The following DHX37 variants were observed in gnomAD, a reference collection of about 807,000 sequenced individuals.
DHX37 encodes the protein probable ATP-dependent RNA helicase DHX37.
In DHX37, 52 loss-of-function variants were observed where a neutral mutation model predicts 134.3. The observed-to-expected ratio is 0.39, with a 90% CI of 0.31 to 0.49. The LOEUF (loss-of-function observed/expected upper bound fraction) is 0.49, where lower values mean the gene tolerates loss of function less well. Ranked by LOEUF, DHX37 falls within the 20% of genes least tolerant of loss-of-function variation. The probability of loss-of-function intolerance (pLI) is 0.93; values close to 1 mark genes in which losing one functional copy is unlikely to be tolerated. For synonymous variants in DHX37, 634 were observed against 670.7 expected (o/e 0.95, Z 0.85); for missense variants, 1,344 against 1,580.8 (o/e 0.85, Z 2.54).
intron 4 of DHX37, among the ~76,000 whole-genome samples, chr12:124,978,506 C>T (rs910233716): frequency 5.5e-5 from 8 of 146,734 alleles, no homozygotes; most frequent in East Asian, 2.1e-4. Flanking sequence ...TCAGTAGAGA[C>T]GGGGTTTCAC....
intron 15 of DHX37, among the ~76,000 whole-genome samples, 195 bp downstream of exon 15, chr12:124,964,195 CAAAA>C (rs397692928): frequency 1.7e-4 from 10 of 57,464 alleles, no homozygotes; most frequent in East Asian, 9.4e-4. Flanking sequence ...AACTCCATCT[CAAAA>C]AAAAAAAAAA....
intron 2 of DHX37, among the ~76,000 whole-genome samples, chr12:124,983,171 C>T (rs981024044): frequency 7.9e-5 from 12 of 152,098 alleles, no homozygotes; most frequent in South Asian, 6.2e-4. Flanking sequence ...TGCAGTGGTG[C>T]GATCTTGGCT....
rs1954616128 is a variant in DHX37, at chr12:124,975,399, C to A, written c.980+20G>T. The A allele has an allele frequency of 1.2e-6, 2 of 1,611,542 alleles. No individual in the cohort carries two copies. Among genetic ancestry groups the A allele is most frequent in the East Asian group, 2.2e-5 (1 of 44,848 alleles). ...CACAGGACCACCCCATAGTCCGCCC[C>A]AGGGAAGTAGAGCCCTCACCGCTGG... is the stretch of plus-strand genomic sequence containing the variant. On this transcript the variant is annotated intron_variant, in intron 6 of 26. Coordinates refer to ENST00000308736, the MANE Select transcript of DHX37 (RefSeq NM_032656.4).
rs537963551 is a variant in DHX37, at chr12:124,975,318, A to G, written c.980+101T>C. 13 of 1,215,626 alleles carry G rather than the reference A, an allele frequency of 1.1e-5. No homozygotes were observed. In the East Asian group the frequency reaches 2.8e-4, roughly 26 times the overall value. 75.3% of individuals were successfully genotyped at this position (1,215,626 alleles called of 1,614,324 possible). On this transcript the variant is annotated intron_variant, in intron 6 of 26. Transcript: ENST00000308736. The stretch of plus-strand genomic sequence containing the variant: ...ATGCAGAGGTGACACTCCACCCAGC[A>G]CCCTCGGCACAGATGCTGCTCACCT...
Position 124,965,680 on chromosome 12 carries a change from C to G in DHX37, c.1723G>C (p.Gly575Arg). The G allele has an allele frequency of 6.2e-7, 1 of 1,608,216 alleles. No individual in the cohort carries two copies. The highest frequency in any genetic ancestry group is 1.1e-5 in the South Asian group (1 of 89,596). ...GCTCGGGCCACACCTCCATCTTGCC[C>G]GCCATCCCCCAGGTCCAGATCGAGG... ...SDLDLDLGDG[G>R]QDGGEQPDAS... The change falls in exon 13 of 27, where the codon GGG becomes CGG. Residue 575 changes from glycine (G) to arginine (R), a missense_variant. By Grantham distance (125) the Gly-to-Arg change is moderately radical (BLOSUM62 -2). Transcript: ENST00000308736.
chr12:124,961,209 TGCACGCACGCACAC>T (rs1287119413), intron 15 of DHX37, among the ~76,000 whole-genome samples: 3 of 76,964 alleles, frequency 3.9e-5, no homozygotes, highest in African/African-American at 1.3e-4. Flanking sequence ...CATACACGTG[TGCACGCACGCACAC>T]GCACGCACAC....
At position 124,961,030 on chromosome 12, in the gene DHX37, TAC is replaced by T. The variant is rs1484362691; in HGVS notation, c.2046-609_2046-608del. Among the ~76,000 whole-genome samples the T allele has an allele frequency of 3.9e-5, 6 of 152,352 alleles. 1 individual carries two copies. The highest frequency in any genetic ancestry group is 1.3e-4 in the Admixed American group (2 of 15,308). On this transcript the variant is annotated intron_variant, in intron 15 of 26. Transcript: ENST00000308736. The stretch of plus-strand genomic sequence containing the variant: ...GGTGCATAGCACTCTACACTTTAAC[TAC>T]AGTTACTTCTTACTGGTTTTCTTTG...
intron 13 of DHX37, 79 bp downstream of exon 13, chr12:124,965,589 G>C: frequency 6.9e-7 from 1 of 1,458,702 alleles, no homozygotes; most frequent in Non-Finnish European, 9.1e-7. Flanking sequence ...CCCGGCCCCC[G>C]GGGGGCCCAC....
intron 6 of DHX37, among the ~76,000 whole-genome samples, chr12:124,974,632 C>A (rs113848942): frequency 6.6e-6 from 1 of 151,254 alleles, no homozygotes; most frequent in East Asian, 1.9e-4. Context: ...CTCTTTTGTG[C>A]CTTCTGGATT....
intron 2 of DHX37, among the ~76,000 whole-genome samples, chr12:124,984,474 G>A (rs1357264111): frequency 5.9e-5 from 9 of 151,772 alleles, no homozygotes; most frequent in African/African-American, 2.2e-4. Flanking sequence ...TGGAGGTTGC[G>A]GTGCGCCGAG....
intron 10 of DHX37, 74 bp downstream of exon 10, chr12:124,968,460 C>A: frequency 1.3e-6 from 2 of 1,581,750 alleles, no homozygotes; most frequent in Non-Finnish European, 8.6e-7. Flanking sequence ...CGGAGATGGG[C>A]CCTCCCACAC....
rs185168606 is a variant in DHX37, at chr12:124,950,906, A to T, written c.2869-102T>A. ...GAATCTGATTATCCACTCCAGCCGC[A>T]AAAGTGGGAGAGTGCTCCATCTGCC... On this transcript the variant is annotated intron_variant, in intron 21 of 26. Coordinates refer to ENST00000308736, the MANE Select transcript of DHX37 (RefSeq NM_032656.4). The T allele has an allele frequency of 1.8e-5, 26 of 1,418,424 alleles. No individual in the cohort carries two copies. In the African/African-American group the frequency reaches 3.9e-4, roughly 21 times the overall value. The allele number at this position is 1,418,424 out of a possible 1,614,324, so 87.9% of individuals were successfully genotyped here.
chr12:124,947,694 A>T lies in DHX37; in HGVS notation c.*108T>A. The stretch of plus-strand genomic sequence containing the variant: ...TTCCCAGGGCTTGACCCACTTCCTG[A>T]GAGCAGGCCACGAAGCCCATGCCAG... On this transcript the variant is annotated 3_prime_UTR_variant, in exon 27 of 27. Transcript: ENST00000308736. 1 of 1,384,168 alleles carries T rather than the reference A, an allele frequency of 7.2e-7. No individual in the cohort carries two copies. Among genetic ancestry groups the T allele is most frequent in the Non-Finnish European group, 9.6e-7 (1 of 1,039,450 alleles). The allele number at this position is 1,384,168 out of a possible 1,614,324, so 85.7% of individuals were successfully genotyped here. A position where few individuals can be genotyped will look rare whatever the true frequency, so the allele number is the denominator to read the frequency against.
chr12:124,952,782 G>A, intron 20 of DHX37: 1 of 406,360 alleles, frequency 2.5e-6, no homozygotes, highest in Non-Finnish European at 4.3e-6. Flanking sequence ...TTGGGACAAA[G>A]CCCCACATCC....
chr12:124,964,335 C>A (rs1954333610), intron 15 of DHX37, 59 bp downstream of exon 15: 1 of 1,601,606 alleles, frequency 6.2e-7, no homozygotes, highest in Non-Finnish European at 8.5e-7. Context: ...TTCCCTTGTT[C>A]CTCAGTGGCT....
chr12:124,960,125 C>T (rs569439388), intron 16 of DHX37, among the ~76,000 whole-genome samples, 187 bp downstream of exon 16: 6 of 152,198 alleles, frequency 3.9e-5, no homozygotes, highest in Non-Finnish European at 7.3e-5. Flanking sequence ...TGTCCACGGG[C>T]GATGCAGCAC....
At position 124,971,262 on chromosome 12, in the gene DHX37, C is replaced by T. The variant is rs199578637; in HGVS notation, c.1191+40G>A. 130 of 1,596,310 alleles carry T rather than the reference C, an allele frequency of 8.1e-5. No individual in the cohort carries two copies. In the African/African-American group the frequency reaches 1.2e-3, roughly 14 times the overall value. On this transcript the variant is annotated intron_variant, in intron 8 of 26. Coordinates refer to ENST00000308736, the MANE Select transcript of DHX37 (RefSeq NM_032656.4). ...AGCCTCTGACAGAGCTGGGGGGGGC[C>T]TAGGGCTCGGGGCTCCCCAGCACCC...
intron 8 of DHX37, among the ~76,000 whole-genome samples, chr12:124,969,395 T>C (rs905579223): frequency 6.6e-6 from 1 of 152,122 alleles, no homozygotes; most frequent in Non-Finnish European, 1.5e-5. Flanking sequence ...CATGGTGAGC[T>C]CTGCTTCAAG....
intron 26 of DHX37, 76 bp downstream of exon 26, chr12:124,948,008 G>A (rs560318030): frequency 9.0e-5 from 145 of 1,613,618 alleles, no homozygotes; most frequent in Middle Eastern, 3.3e-4. Flanking sequence ...AGGGCTGACC[G>A]TGCACAAAGC....
Sources: allele counts gnomAD v4.1 joint callset (sites outside exome capture counted in the v4.1 genomes callset), GRCh38; gene constraint gnomAD v4.1.1; transcripts MANE v1.5; gene names NCBI Gene and HGNC (gene_info 2026-07-23, HGNC 2026-07-21).